The following TCERG1 variants were observed in gnomAD, a reference collection of about 807,000 sequenced individuals.
TCERG1 encodes the protein transcription elongation regulator 1.
A neutral mutation model predicts 144.7 loss-of-function variants in TCERG1; 37 were observed. That is an observed-to-expected ratio of 0.26 (90% CI 0.20 to 0.34). The LOEUF (loss-of-function observed/expected upper bound fraction) is 0.34. Among genes scored for constraint, TCERG1 ranks in the 10% least tolerant of loss-of-function variants. TCERG1 has a pLI of 1.00. For missense variants in TCERG1, 1,027 were observed against 1,380.7 expected (o/e 0.74, Z 4.06); for synonymous variants, 492 against 458.2 (o/e 1.07, Z -0.94).
chr5:146,470,595 G>C, intron 7 of TCERG1, 41 bp from the exon 8 acceptor site: 1 of 1,530,994 alleles, frequency 6.5e-7, no homozygotes, highest in Non-Finnish European at 8.9e-7. Context: ...AGAAAATTAC[G>C]TCAAAACCTT....
chr5:146,468,090 T>C lies in TCERG1; in HGVS notation c.1136-251T>C, dbSNP rs553331064. ...CTTTCTTTTGTTGAATTTAAACTCT[T>C]AAGACTCCTTCAATATGTTCAGAGC... On this transcript the variant is annotated intron_variant, in intron 5 of 22. Coordinates refer to ENST00000679501, the MANE Select transcript of TCERG1 (RefSeq NM_001382548.1). Among the ~76,000 whole-genome samples the C allele has an allele frequency of 3.5e-4, 54 of 152,318 alleles. 2 individuals carry two copies. Among genetic ancestry groups the C allele is most frequent in the African/African-American group, 1.2e-3 (51 of 41,578 alleles).
In TCERG1 at chr5:146,459,143, C is replaced by T; in HGVS notation, c.698C>T (p.Ala233Val). The T allele has an allele frequency of 3.1e-6, 5 of 1,611,042 alleles. No individual in the cohort carries two copies. Among genetic ancestry groups the T allele is most frequent in the Non-Finnish European group, 4.2e-6 (5 of 1,177,584 alleles). The stretch of plus-strand genomic sequence containing the variant: ...GCCCAGGCCCAGGCTCAGGCTCAGG[C>T]ACAAGCTCAGGCCCAGGCCCAGGCT... ...AQAQAQAQAQAQAQAQAQAQV... is the reference protein window; with the variant it reads ...AQAQAQAQAQVQAQAQAQAQV... Residue 233 changes from alanine (A) to valine (V), a missense_variant, in exon 4 of 23, where the codon GCA becomes GTA. Physicochemically the swap from Ala to Val is moderately conservative, Grantham distance 64. This residue lies in a region of TCERG1 where 187 missense variants were observed against 169.1 expected (regional missense o/e 1.11). Transcript: ENST00000679501.
intron 17 of TCERG1, 66 bp downstream of exon 17, chr5:146,498,752 G>A: frequency 1.3e-6 from 2 of 1,506,614 alleles, no homozygotes; most frequent in Non-Finnish European, 1.8e-6. Context: ...CTATGCTGGT[G>A]TTATGTTTCT....
rs1370552735 is a variant in TCERG1 at position 146,503,496 on chromosome 5, T to C, written c.2555T>C (p.Met852Thr). 1 of 1,613,864 alleles carries C rather than the reference T, an allele frequency of 6.2e-7. No individual in the cohort carries two copies. The highest frequency in any genetic ancestry group is 8.5e-7 in the Non-Finnish European group (1 of 1,179,922). The change falls in exon 18 of 23, where the codon ATG becomes ACG. Residue 852 changes from methionine to threonine, a missense_variant. Transcript: ENST00000679501. ...PRYKAVDSSS[M>T]REDLFKQYIE... ...TACAAAGCAGTAGATAGTTCATCAA[T>C]GAGAGAAGACCTTTTCAAACAGTAC...
chr5:146,496,913 A>C (rs1766971965), intron 16 of TCERG1, among the ~76,000 whole-genome samples: 1 of 124,060 alleles, frequency 8.1e-6, no homozygotes, highest in African/African-American at 3.2e-5. Flanking sequence ...TTGCTCTGTC[A>C]CCCAGGCTGG....
intron 5 of TCERG1, among the ~76,000 whole-genome samples, chr5:146,467,395 T>C (rs1763887604): frequency 6.6e-6 from 1 of 152,184 alleles, no homozygotes; most frequent in Non-Finnish European, 1.5e-5. Flanking sequence ...ATTGCCCCTA[T>C]ACTTTTCTTC....
At chr5:146,475,271 G>A (rs1561664423) in intron 9 of TCERG1, among the ~76,000 whole-genome samples, 1 of 152,200 alleles carries the variant, frequency 6.6e-6, no homozygotes, top group Non-Finnish European at 1.5e-5. Context: ...CAGGCAAGCA[G>A]GTCTAGAAGT....
At chr5:146,510,110 C>T in intron 22 of TCERG1, 1 of 1,310,382 alleles carries the variant, frequency 7.6e-7, no homozygotes, top group Non-Finnish European at 1.0e-6. Flanking sequence ...GTGAAAGATG[C>T]TGGGATTGGC....
At chr5:146,501,918 TG>T (rs1373462475) in intron 17 of TCERG1, among the ~76,000 whole-genome samples, 2 of 113,892 alleles carry the variant, frequency 1.8e-5, no homozygotes, top group East Asian at 4.4e-4. Flanking sequence ...TTTTTTGAGA[TG>T]GAGTTTTGCT....
chr5:146,487,829 C>A (rs908260205), intron 15 of TCERG1, among the ~76,000 whole-genome samples: 1 of 151,816 alleles, frequency 6.6e-6, no homozygotes, highest in Non-Finnish European at 1.5e-5. Flanking sequence ...CTGGACGTAT[C>A]GTAGTACCAG....
intron 15 of TCERG1, among the ~76,000 whole-genome samples, chr5:146,485,017 G>GT (rs1219858879): frequency 2.0e-5 from 3 of 152,150 alleles, no homozygotes; most frequent in Non-Finnish European, 4.4e-5. Flanking sequence ...GCTTAAAACT[G>GT]TTTAGTGCTT....
intron 7 of TCERG1, 76 bp downstream of exon 7, chr5:146,469,820 A>T: frequency 9.3e-7 from 1 of 1,079,564 alleles, no homozygotes. Flanking sequence ...TTCTGAGTTA[A>T]TTTCTTTTTA....
intron 15 of TCERG1, among the ~76,000 whole-genome samples, chr5:146,489,266 A>G (rs1310767931): frequency 1.3e-5 from 2 of 152,202 alleles, no homozygotes; most frequent in Admixed American, 6.5e-5. Context: ...TCATCACTAC[A>G]TGATATGTAT....
intron 14 of TCERG1, 69 bp downstream of exon 14, chr5:146,482,796 G>A: frequency 1.3e-6 from 2 of 1,484,800 alleles, no homozygotes; most frequent in Non-Finnish European, 1.8e-6. Flanking sequence ...CTTGCTAAAA[G>A]GTCAAATCTA....
In TCERG1 at chr5:146,496,940, C is replaced by G. The variant is rs1428742344; in HGVS notation, c.2283-1596C>G. Among the ~76,000 whole-genome samples the G allele has an allele frequency of 3.6e-5, 5 of 137,874 alleles. No homozygotes were observed. The East Asian group carries it at 8.5e-4, about 23-fold the overall frequency. The allele number at this position is 137,874 out of a possible 152,430, so 90.5% of individuals were successfully genotyped here. A position where few individuals can be genotyped will look rare whatever the true frequency, so the allele number is the denominator to read the frequency against. On this transcript the variant is annotated intron_variant, in intron 16 of 22. Transcript: ENST00000679501. ...CCAGGCTGGAGTGCAGTGGCGTGAT[C>G]TCAGCTCACTGGAACCTCTGCCTCC... is the stretch of plus-strand genomic sequence containing the variant.
chr5:146,461,714 TATA>T (rs1763344777), intron 4 of TCERG1, among the ~76,000 whole-genome samples: 1 of 152,178 alleles, frequency 6.6e-6, no homozygotes, highest in African/African-American at 2.4e-5. Context: ...ATCTGAATAC[TATA>T]ATAATATTTA....
intron 4 of TCERG1, among the ~76,000 whole-genome samples, chr5:146,459,709 G>T (rs1358067853): frequency 1.3e-5 from 2 of 152,122 alleles, no homozygotes; most frequent in African/African-American, 2.4e-5. Context: ...ATTAGATATT[G>T]GTGTGCAAAA....
intron 19 of TCERG1, 189 bp downstream of exon 19, chr5:146,504,195 A>T: frequency 2.1e-6 from 1 of 470,852 alleles, no homozygotes. Flanking sequence ...TATTCAACAA[A>T]TTCAGAAGTT....
In TCERG1 at chr5:146,510,600, A is replaced by G. The variant is rs757219765; in HGVS notation, c.3306A>G (p.Pro1102=). 2 of 1,614,110 alleles carry G rather than the reference A, an allele frequency of 1.2e-6. No homozygotes were observed. The highest frequency in any genetic ancestry group is 1.7e-6 in the Non-Finnish European group (2 of 1,180,004). The change falls in exon 23 of 23, where the codon CCA becomes CCG. Residue 1102 remains proline, a synonymous_variant. Transcript: ENST00000679501. ...VDDLDRRGPP[P]PPTASEPTRR... ...ACCTGGATCGCCGGGGTCCACCCCC[A>G]CCTCCCACAGCATCGGAGCCCACGA...
Sources: gnomAD v4.1 joint callset for allele counts (sites outside exome capture counted in the v4.1 genomes callset) on GRCh38, gnomAD v4.1.1 for gene constraint, gnomAD v4.1.1 regional missense constraint, MANE v1.5 for transcripts, NCBI Gene and HGNC (gene_info 2026-07-23, HGNC 2026-07-21) for gene names.